Variants in ARHGAP15 observed in about 807,000 individuals in gnomAD.
The protein encoded by ARHGAP15 is Rho GTPase activating protein 15.
ARHGAP15 carries 51 observed loss-of-function variants against 63.7 expected under a neutral mutation model. The ratio of observed to expected loss-of-function variants is 0.80; its 90% CI spans 0.64 to 1.01. The LOEUF is 1.01. Among genes scored for constraint, ARHGAP15 ranks in the 50% least tolerant of loss-of-function variants. The pLI, the probability that ARHGAP15 is intolerant of heterozygous loss-of-function variation, is 0.00. For missense variants in ARHGAP15, 560 were observed against 564.6 expected (o/e 0.99, Z 0.08); for synonymous variants, 191 against 193.8 (o/e 0.99, Z 0.12).
chr2:143,313,808 T>G (rs767766974), intron 6 of ARHGAP15, among the ~76,000 whole-genome samples: 3 of 152,028 alleles, frequency 2.0e-5, no homozygotes, highest in Non-Finnish European at 2.9e-5. Flanking sequence ...CTTGATATCC[T>G]AGTACCCAGA....
At chr2:143,171,889 G>C (rs1461242666) in intron 2 of ARHGAP15, 2 of 152,044 alleles carry the variant, frequency 1.3e-5, no homozygotes, top group Non-Finnish European at 2.9e-5. Flanking sequence ...CAATAATTCA[G>C]AGCAGTTGCT....
At chr2:143,700,739 T>C (rs1293688934) in intron 12 of ARHGAP15, among the ~76,000 whole-genome samples, 1 of 152,176 alleles carries the variant, frequency 6.6e-6, no homozygotes, top group South Asian at 2.1e-4. Context: ...ATTATGGTTG[T>C]GTGGTATTAG....
intron 8 of ARHGAP15, among the ~76,000 whole-genome samples, chr2:143,439,902 T>C (rs1310924072): frequency 1.3e-5 from 2 of 152,120 alleles, no homozygotes; most frequent in African/African-American, 4.8e-5. Flanking sequence ...CAAAAACTTA[T>C]TGGCAAAAAT....
intron 13 of ARHGAP15, among the ~76,000 whole-genome samples, chr2:143,735,757 C>CA (rs374159360): frequency 1.5e-4 from 23 of 149,828 alleles, no homozygotes; most frequent in East Asian, 3.9e-4. Flanking sequence ...GACTAGAAGT[C>CA]AAAAAAAAAT....
intron 5 of ARHGAP15, chr2:143,237,012 T>C (rs1178418217): frequency 6.6e-6 from 1 of 152,118 alleles, no homozygotes; most frequent in Non-Finnish European, 1.5e-5. Flanking sequence ...AGAAAGTCAG[T>C]GTGGAACCGG....
chr2:143,381,854 A>T (rs533195155), intron 6 of ARHGAP15, among the ~76,000 whole-genome samples: 25 of 150,170 alleles, frequency 1.7e-4, no homozygotes, highest in Middle Eastern at 3.4e-3. Flanking sequence ...AGATTTTTTA[A>T]AAAAAGCATA....
intron 2 of ARHGAP15, among the ~76,000 whole-genome samples, chr2:143,189,532 T>C (rs1039364254): frequency 6.6e-6 from 1 of 150,726 alleles, no homozygotes; most frequent in Non-Finnish European, 1.5e-5. Context: ...ACAGTCTCAT[T>C]CCTCATTGCA....
chr2:143,341,595 A>G (rs1194098076), intron 6 of ARHGAP15, among the ~76,000 whole-genome samples: 6 of 152,096 alleles, frequency 3.9e-5, no homozygotes, highest in African/African-American at 1.2e-4. Flanking sequence ...TTTGAAAGCA[A>G]CAGAACAAGG....
At chr2:143,194,820 T>G (rs765874535) in intron 2 of ARHGAP15, among the ~76,000 whole-genome samples, 3 of 152,188 alleles carry the variant, frequency 2.0e-5, no homozygotes, top group Non-Finnish European at 4.4e-5. Flanking sequence ...TAATTTTTAT[T>G]TAAATAGTAA....
At chr2:143,605,256 A>C (rs1049362852) in intron 11 of ARHGAP15, among the ~76,000 whole-genome samples, 1 of 152,174 alleles carries the variant, frequency 6.6e-6, no homozygotes, top group Non-Finnish European at 1.5e-5. Flanking sequence ...ACAGCCCAGC[A>C]ACTGAGGCTG....
Position 143,686,996 on chromosome 2 carries a change from A to C in ARHGAP15, c.1139-16423A>C, listed in dbSNP as rs73961834. 3.0e-3 allele frequency among the ~76,000 whole-genome samples: 453 copies of C among 152,356 alleles called. 1 individual carries two copies. The highest frequency in any genetic ancestry group is 0.01 in the African/African-American group (422 of 41,592). The stretch of plus-strand genomic sequence containing the variant: ...TCAGCTCATTTTGCACATAAGGTAC[A>C]CTGAAGAATTGAGTCAACTGTCTGG... On this transcript the variant is annotated intron_variant, in intron 12 of 13. Transcript: ENST00000295095.
chr2:143,549,983 A>C (rs1005512802), intron 10 of ARHGAP15, among the ~76,000 whole-genome samples: 1 of 152,204 alleles, frequency 6.6e-6, no homozygotes, highest in Non-Finnish European at 1.5e-5. Flanking sequence ...TCATAAGGGT[A>C]ATCCAATATT....
At chr2:143,434,797 G>A (rs1180052128) in intron 6 of ARHGAP15, among the ~76,000 whole-genome samples, 2 of 152,108 alleles carry the variant, frequency 1.3e-5, no homozygotes, top group Admixed American at 1.3e-4. Context: ...TTTTCTCTAA[G>A]TTGCCCGTTA....
intron 13 of ARHGAP15, among the ~76,000 whole-genome samples, chr2:143,760,483 G>A (rs1241371851): frequency 6.6e-6 from 1 of 152,096 alleles, no homozygotes; most frequent in African/African-American, 2.4e-5. Context: ...ATTGAAGCCT[G>A]TGGGCCATTC....
intron 11 of ARHGAP15, among the ~76,000 whole-genome samples, chr2:143,621,267 A>G (rs1193101986): frequency 1.3e-5 from 2 of 152,234 alleles, no homozygotes; most frequent in Non-Finnish European, 2.9e-5. Context: ...CTACTCTATT[A>G]GAAAAGGGAA....
intron 6 of ARHGAP15, among the ~76,000 whole-genome samples, chr2:143,356,987 T>C (rs1256087096): frequency 6.6e-6 from 1 of 152,206 alleles, no homozygotes; most frequent in Non-Finnish European, 1.5e-5. Context: ...TTAGTTTTTT[T>C]CTTTAAAATG....
chr2:143,710,850 C>CAA (rs1157042960), intron 13 of ARHGAP15, among the ~76,000 whole-genome samples: 1 of 152,192 alleles, frequency 6.6e-6, no homozygotes, highest in Non-Finnish European at 1.5e-5. Context: ...GAAAATCTTT[C>CAA]AAAGTCTGTA....
At chr2:143,640,040 A>G (rs1198916153) in intron 12 of ARHGAP15, among the ~76,000 whole-genome samples, 1 of 152,062 alleles carries the variant, frequency 6.6e-6, no homozygotes, top group African/African-American at 2.4e-5. Flanking sequence ...AATTTTCTCT[A>G]CTGAGTTAAA....
intron 5 of ARHGAP15, among the ~76,000 whole-genome samples, chr2:143,243,551 G>A (rs576430345): frequency 6.6e-6 from 1 of 152,200 alleles, no homozygotes; most frequent in Admixed American, 6.5e-5. Context: ...TTTTTATAAT[G>A]ATGTAGAATA....
Sources: gnomAD v4.1 joint callset for allele counts (sites outside exome capture counted in the v4.1 genomes callset) on GRCh38, gnomAD v4.1.1 for gene constraint, MANE v1.5 for transcripts, NCBI Gene and HGNC (gene_info 2026-07-23, HGNC 2026-07-21) for gene names.